EYS: variants seen among roughly 807,000 people sequenced by gnomAD.
The protein encoded by EYS is protein eyes shut homolog.
EYS carries 250 observed loss-of-function variants against 282.1 expected under a neutral mutation model. The ratio of observed to expected loss-of-function variants is 0.89; its 90% CI spans 0.80 to 0.98. The LOEUF (loss-of-function observed/expected upper bound fraction) is 0.98, where lower values mean the gene tolerates loss of function less well. Ranked by LOEUF, EYS falls within the 50% of genes least tolerant of loss-of-function variation. EYS has a pLI of 0.00. For missense variants in EYS, 4,016 were observed against 3,709.0 expected (o/e 1.08, Z -2.15); for synonymous variants, 1,355 against 1,282.9 (o/e 1.06, Z -1.20).
intron 5 of EYS, among the ~76,000 whole-genome samples, chr6:65,423,942 C>T (rs1297530487): frequency 6.6e-6 from 1 of 151,966 alleles, no homozygotes; most frequent in African/African-American, 2.4e-5. Context: ...ATTGACTTTT[C>T]AATTCCTTTC....
chr6:65,074,165 A>C (rs1773979794), intron 12 of EYS, among the ~76,000 whole-genome samples: 2 of 152,104 alleles, frequency 1.3e-5, no homozygotes, highest in Non-Finnish European at 2.9e-5. Flanking sequence ...TAACTCTAGA[A>C]ATAAACAAAA....
At chr6:64,338,589 C>T (rs975927885) in intron 29 of EYS, among the ~76,000 whole-genome samples, 1 of 151,776 alleles carries the variant, frequency 6.6e-6, no homozygotes, top group African/African-American at 2.4e-5. Flanking sequence ...CAATGCAATC[C>T]CCATCAAAAT....
chr6:63,801,995 A>G (rs1356156627), intron 37 of EYS, among the ~76,000 whole-genome samples: 1 of 152,240 alleles, frequency 6.6e-6, no homozygotes, highest in Non-Finnish European at 1.5e-5. Context: ...GTAACAACCA[A>G]TATGTAGGTT....
chr6:64,864,385 C>CGTTTTTTTTTTTTTTTTTTTTTTTTT (rs1766348513), intron 19 of EYS, among the ~76,000 whole-genome samples: 1 of 57,166 alleles, frequency 1.7e-5, no homozygotes, highest in Non-Finnish European at 3.6e-5. Context: ...GCTATACCTT[C>CGTTTTTTTTTTTTTTTTTTTTTTTTT]TTTTTTTTTT....
intron 29 of EYS, among the ~76,000 whole-genome samples, chr6:64,376,666 G>T (rs1335374465): frequency 2.0e-5 from 3 of 152,038 alleles, no homozygotes; most frequent in Non-Finnish European, 4.4e-5. Context: ...ATCGCCTCTG[G>T]GATGAAGTCA....
At chr6:64,507,688 G>C (rs926482716) in intron 26 of EYS, among the ~76,000 whole-genome samples, 13 of 152,086 alleles carry the variant, frequency 8.5e-5, no homozygotes, top group African/African-American at 3.1e-4. Flanking sequence ...CTCAAGTCGG[G>C]AAAAACAAAT....
chr6:63,934,463 G>A (rs1387169188), intron 35 of EYS, among the ~76,000 whole-genome samples: 5 of 151,910 alleles, frequency 3.3e-5, no homozygotes, highest in South Asian at 2.1e-4. Flanking sequence ...TGTTTATTGC[G>A]GCACTATTCA....
intron 15 of EYS, among the ~76,000 whole-genome samples, chr6:64,944,933 T>C (rs1183969911): frequency 1.3e-5 from 2 of 151,862 alleles, no homozygotes; most frequent in African/African-American, 4.8e-5. Flanking sequence ...TGAACTTAAT[T>C]ATGACATAGA....
At chr6:65,447,772 C>CTA (rs1768731142) in intron 5 of EYS, among the ~76,000 whole-genome samples, 2 of 151,962 alleles carry the variant, frequency 1.3e-5, no homozygotes, top group Admixed American at 6.6e-5. Flanking sequence ...AGATAAATAA[C>CTA]TAATGAATCA....
intron 35 of EYS, among the ~76,000 whole-genome samples, chr6:63,972,600 T>A (rs980166329): frequency 2.6e-5 from 4 of 152,160 alleles, no homozygotes; most frequent in African/African-American, 9.7e-5. Flanking sequence ...TGCAGGTTTG[T>A]TACATAGGTA....
chr6:64,000,426 C>T (rs919697362), intron 33 of EYS, among the ~76,000 whole-genome samples: 15 of 150,328 alleles, frequency 1.0e-4, no homozygotes, highest in Non-Finnish European at 1.6e-4. Context: ...CTCCTGACCT[C>T]GTGATCCATC....
chr6:64,996,135 C>T (rs1371549465), intron 14 of EYS, among the ~76,000 whole-genome samples: 2 of 151,988 alleles, frequency 1.3e-5, no homozygotes, highest in African/African-American at 4.8e-5. Context: ...AACAAGAGGC[C>T]ATAAGGATCA....
At chr6:65,641,657 C>T (rs1022329439) in intron 1 of EYS, among the ~76,000 whole-genome samples, 4 of 152,182 alleles carry the variant, frequency 2.6e-5, no homozygotes, top group African/African-American at 9.7e-5. Context: ...TGTTTTACTG[C>T]ACTCTTTTTA....
chr6:65,436,869 AT>A (rs1768091853), intron 5 of EYS, among the ~76,000 whole-genome samples: 1 of 152,144 alleles, frequency 6.6e-6, no homozygotes, highest in African/African-American at 2.4e-5. Flanking sequence ...TCTCCCAAAA[AT>A]AATTTACAAA....
At chr6:65,565,827 T>C (rs1046985100) in intron 2 of EYS, among the ~76,000 whole-genome samples, 1 of 151,962 alleles carries the variant, frequency 6.6e-6, no homozygotes, top group African/African-American at 2.4e-5. Flanking sequence ...AAACCATCAT[T>C]CTCAGCAAAC....
chr6:64,220,614 T>G (rs1582445381), intron 31 of EYS, among the ~76,000 whole-genome samples: 1 of 152,146 alleles, frequency 6.6e-6, no homozygotes, highest in East Asian at 1.9e-4. Context: ...CAAAATCCGT[T>G]GTCAATCAGG....
chr6:64,438,102 A>G (rs1223616162), intron 27 of EYS, among the ~76,000 whole-genome samples: 3 of 151,718 alleles, frequency 2.0e-5, no homozygotes, highest in Non-Finnish European at 4.4e-5. Flanking sequence ...ATGTTGGGAA[A>G]AGAGCATGCA....
chr6:64,107,743 T>A (rs1489185844), intron 31 of EYS, among the ~76,000 whole-genome samples: 1 of 152,060 alleles, frequency 6.6e-6, no homozygotes, highest in East Asian at 1.9e-4. Flanking sequence ...TGAAAGGTAG[T>A]CATAACGTAT....
At position 65,310,524 on chromosome 6, in the gene EYS, C is replaced by T. The variant is rs1769128446; in HGVS notation, c.1767-14405G>A. Among the ~76,000 whole-genome samples, 6 of 152,068 alleles carry T rather than the reference C, an allele frequency of 3.9e-5. No individual in the cohort carries two copies. In the South Asian group the frequency reaches 1.2e-3, roughly 32 times the overall value. On this transcript the variant is annotated intron_variant, in intron 11 of 42. Coordinates refer to ENST00000503581, the MANE Select transcript of EYS (RefSeq NM_001142800.2). Reference sequence around the variant, plus strand: ...TTGACTAACCCTGGTTAGTCAAAAACAAAAACAAGGAAATAAAAAAACCCA... The same window carrying T: ...TTGACTAACCCTGGTTAGTCAAAAATAAAAACAAGGAAATAAAAAAACCCA...
Sources: allele counts gnomAD v4.1 joint callset (sites outside exome capture counted in the v4.1 genomes callset), GRCh38; gene constraint gnomAD v4.1.1; transcripts MANE v1.5; gene names NCBI Gene and HGNC (gene_info 2026-07-23, HGNC 2026-07-21).